Variants in LEPR observed in about 807,000 individuals in gnomAD.
The protein encoded by LEPR is leptin receptor.
A neutral mutation model predicts 114.7 loss-of-function variants in LEPR; 56 were observed. The ratio of observed to expected loss-of-function variants is 0.49; its 90% confidence interval spans 0.39 to 0.61. The LOEUF (loss-of-function observed/expected upper bound fraction) is 0.61. LEPR is among the 20% of genes least tolerant of loss of function. LEPR has a pLI of 0.00. For synonymous variants in LEPR, 443 were observed against 461.4 expected, an observed-to-expected ratio of 0.96 and a Z score of 0.51; for missense variants, 1,202 against 1,352.9, an observed-to-expected ratio of 0.89 and a Z score of 1.75.
In LEPR at chr1:65,425,354, T is replaced by C; in HGVS notation, c.-45T>C. The C allele has an allele frequency of 6.2e-7, 1 of 1,606,266 alleles. No individual in the cohort carries two copies. Among genetic ancestry groups the C allele is most frequent in the Non-Finnish European group, 8.5e-7 (1 of 1,178,294 alleles). On this transcript the variant is annotated 5_prime_UTR_variant, in exon 2 of 20. Transcript: ENST00000349533. ...GCTATTGGACTGACTTTTCTTATGC[T>C]GGGATGTGCCTTAGAGGATTATGGG...
intron 2 of LEPR, among the ~76,000 whole-genome samples, chr1:65,550,483 C>T (rs1306029877): frequency 6.6e-6 from 1 of 152,240 alleles, no homozygotes; most frequent in African/African-American, 2.4e-5. Flanking sequence ...TTCGAGCTTC[C>T]TGGCTGTTTT....
chr1:65,472,301 A>G (rs193276949), intron 2 of LEPR, among the ~76,000 whole-genome samples: 50 of 152,076 alleles, frequency 3.3e-4, no homozygotes, highest in African/African-American at 1.1e-3. Context: ...CAGGGCTGTC[A>G]TTTGGGAAAA....
At chr1:65,456,416 C>A (rs935204827) in intron 2 of LEPR, among the ~76,000 whole-genome samples, 3 of 152,154 alleles carry the variant, frequency 2.0e-5, no homozygotes, top group Non-Finnish European at 2.9e-5. Context: ...GAGGAGTATT[C>A]AGGTCTCCAA....
chr1:65,511,773 C>T (rs1396696788), intron 2 of LEPR, among the ~76,000 whole-genome samples: 1 of 152,110 alleles, frequency 6.6e-6, no homozygotes, highest in East Asian at 1.9e-4. Flanking sequence ...CTGTAGAAAA[C>T]TATCACAACA....
At chr1:65,446,367 C>T (rs1018795457) in intron 2 of LEPR, among the ~76,000 whole-genome samples, 3 of 152,024 alleles carry the variant, frequency 2.0e-5, no homozygotes, top group Non-Finnish European at 2.9e-5. Flanking sequence ...ACTGTCATGG[C>T]GCTAGTGGGA....
intron 2 of LEPR, among the ~76,000 whole-genome samples, chr1:65,517,594 C>CT (rs1649354904): frequency 6.6e-6 from 1 of 152,178 alleles, no homozygotes; most frequent in South Asian, 2.1e-4. Flanking sequence ...TTTTTACTCT[C>CT]TAACTCATCA....
At chr1:65,620,302 C>T (rs965779706) in intron 17 of LEPR, among the ~76,000 whole-genome samples, 1 of 151,998 alleles carries the variant, frequency 6.6e-6, no homozygotes, top group Non-Finnish European at 1.5e-5. Flanking sequence ...TTTAAATTGT[C>T]TTCAAATCTA....
chr1:65,474,316 G>A (rs776425340), intron 2 of LEPR, among the ~76,000 whole-genome samples: 10 of 152,166 alleles, frequency 6.6e-5, no homozygotes, highest in Non-Finnish European at 1.2e-4. Flanking sequence ...TTTCCCCAGT[G>A]TACTTAAGCC....
At position 65,610,520 on chromosome 1, in the gene LEPR, C is replaced by T. The variant is rs144138090; in HGVS notation, c.1995+224C>T. Among the ~76,000 whole-genome samples, 5 of 152,218 alleles carry T rather than the reference C, an allele frequency of 3.3e-5. No homozygotes were observed. In the East Asian group the frequency reaches 5.8e-4, roughly 18 times the overall value. ...TTCTTAGCTTCACATATTATAGTTACGTCAGTACTATTTGGGCAAAGTTAC... is the reference window on the plus strand; with the variant it reads ...TTCTTAGCTTCACATATTATAGTTATGTCAGTACTATTTGGGCAAAGTTAC... On this transcript the variant is annotated intron_variant, in intron 14 of 19. Transcript: ENST00000349533.
intron 2 of LEPR, among the ~76,000 whole-genome samples, chr1:65,462,540 G>C (rs906055182): frequency 1.3e-5 from 2 of 152,162 alleles, no homozygotes; most frequent in African/African-American, 4.8e-5. Context: ...GGGTCAAATG[G>C]TATTTCTAGT....
chr1:65,586,669 T>C (rs1007223119), intron 5 of LEPR, among the ~76,000 whole-genome samples: 9 of 152,128 alleles, frequency 5.9e-5, no homozygotes, highest in African/African-American at 2.2e-4. Flanking sequence ...TCACAGGCTG[T>C]ACAAAAACAG....
At chr1:65,436,720 A>G (rs186638840) in intron 2 of LEPR, among the ~76,000 whole-genome samples, 1 of 136,906 alleles carries the variant, frequency 7.3e-6, no homozygotes. Context: ...ATCTCTCTTC[A>G]CTTTTGATTA....
At chr1:65,432,817 C>A in intron 2 of LEPR, 2 of 582,480 alleles carry the variant, frequency 3.4e-6, no homozygotes, top group South Asian at 7.6e-5. Flanking sequence ...TTCTAATGTT[C>A]TCATAAAAAA....
At chr1:65,433,407 C>T (rs1172563425) in intron 2 of LEPR, 1 of 985,410 alleles carries the variant, frequency 1.0e-6, no homozygotes, top group Non-Finnish European at 1.2e-6. Context: ...TTTCCCTGCT[C>T]ACCTTTTTGT....
At chr1:65,605,385 G>T (rs1361094489) in intron 11 of LEPR, 148 bp downstream of exon 11, 1 of 987,392 alleles carries the variant, frequency 1.0e-6, no homozygotes, top group Non-Finnish European at 1.5e-6. Context: ...GAGAAAATCA[G>T]CCTTAGGAAG....
intron 2 of LEPR, among the ~76,000 whole-genome samples, chr1:65,551,420 G>C (rs1652346820): frequency 6.6e-6 from 1 of 151,908 alleles, no homozygotes; most frequent in African/African-American, 2.4e-5. Context: ...TCAGGGATTT[G>C]ACTTCTTCCT....
intron 2 of LEPR, among the ~76,000 whole-genome samples, chr1:65,539,664 T>G (rs1375871892): frequency 6.6e-6 from 1 of 152,250 alleles, no homozygotes; most frequent in African/African-American, 2.4e-5. Context: ...TGCTCGTGTT[T>G]GAGGAATTTC....
intron 11 of LEPR, among the ~76,000 whole-genome samples, chr1:65,607,327 G>T (rs1189342700): frequency 6.6e-6 from 1 of 152,140 alleles, no homozygotes; most frequent in Non-Finnish European, 1.5e-5. Flanking sequence ...TTGTCCACTG[G>T]CAGGGGTGAC....
chr1:65,641,476 T>G lies in LEPR; in HGVS notation c.*4461T>G, dbSNP rs910230171. On this transcript the variant is annotated 3_prime_UTR_variant, in exon 20 of 20. Coordinates refer to ENST00000349533, the MANE Select transcript of LEPR (RefSeq NM_002303.6). ...GTTCCCAAAGTCACAGAGAAAGCAG[T>G]GTACTTTATGACAGTATATTTATCT... The G allele has an allele frequency of 6.6e-6, 1 of 152,246 alleles. No homozygotes were observed. Among genetic ancestry groups the G allele is most frequent in the Non-Finnish European group, 1.5e-5 (1 of 68,036 alleles). The allele number at this position is 152,246 out of a possible 1,614,324, so 9.4% of individuals were successfully genotyped here.
Sources: gnomAD v4.1 joint callset for allele counts (sites outside exome capture counted in the v4.1 genomes callset) on GRCh38, gnomAD v4.1.1 for gene constraint, MANE v1.5 for transcripts, NCBI Gene and HGNC (gene_info 2026-07-23, HGNC 2026-07-21) for gene names.